RBM47: variants seen among roughly 807,000 people sequenced by gnomAD.
RBM47 encodes RNA-binding protein 47.
A neutral mutation model predicts 47.1 loss-of-function variants in RBM47; 21 were observed. That is an observed-to-expected ratio of 0.45 (90% CI 0.32 to 0.64). The LOEUF is 0.64. Among genes scored for constraint, RBM47 ranks in the 30% least tolerant of loss-of-function variants. The pLI, the probability that RBM47 is intolerant of heterozygous loss-of-function variation, is 0.05. For missense variants in RBM47, 708 were observed against 870.9 expected, an observed-to-expected ratio of 0.81 and a Z score of 2.35; for synonymous variants, 375 against 361.7, an observed-to-expected ratio of 1.04 and a Z score of -0.42.
At chr4:40,430,981 G>A (rs1048240691) in intron 6 of RBM47, among the ~76,000 whole-genome samples, 1 of 152,100 alleles carries the variant, frequency 6.6e-6, no homozygotes, top group African/African-American at 2.4e-5. Context: ...CTACTTGGGA[G>A]GCTGAGGTGG....
intron 1 of RBM47, among the ~76,000 whole-genome samples, chr4:40,558,152 C>G (rs572181479): frequency 6.9e-4 from 105 of 152,208 alleles, no homozygotes; most frequent in African/African-American, 2.4e-3. Context: ...ATGGAGAAAA[C>G]TGAAGCTCAG....
chr4:40,596,084 G>C (rs1020065433), intron 1 of RBM47, among the ~76,000 whole-genome samples: 1 of 152,242 alleles, frequency 6.6e-6, no homozygotes, highest in African/African-American at 2.4e-5. Flanking sequence ...TGCCTAATCA[G>C]AGACATGGGC....
chr4:40,545,536 C>A (rs941011019), intron 1 of RBM47, among the ~76,000 whole-genome samples: 2 of 149,206 alleles, frequency 1.3e-5, no homozygotes, highest in Admixed American at 6.7e-5. Flanking sequence ...TGGTGGTGGG[C>A]ACCTGTAGTC....
intron 1 of RBM47, among the ~76,000 whole-genome samples, chr4:40,575,830 G>T (rs545379757): frequency 6.6e-6 from 1 of 152,306 alleles, no homozygotes; most frequent in South Asian, 2.1e-4. Flanking sequence ...AGAAACCTCA[G>T]ATTCCTTCAT....
chr4:40,509,957 G>T (rs1468042814), intron 2 of RBM47, among the ~76,000 whole-genome samples: 1 of 151,822 alleles, frequency 6.6e-6, no homozygotes, highest in African/African-American at 2.4e-5. Context: ...GAGGCTGAGG[G>T]GGGGTGGGTC....
intron 1 of RBM47, among the ~76,000 whole-genome samples, chr4:40,581,405 A>C (rs1266382180): frequency 1.3e-5 from 2 of 151,372 alleles, no homozygotes; most frequent in Non-Finnish European, 2.9e-5. Context: ...TGGGTGACAG[A>C]GCGAGAACTT....
chr4:40,494,165 C>T (rs1722266336), intron 2 of RBM47, among the ~76,000 whole-genome samples: 1 of 152,022 alleles, frequency 6.6e-6, no homozygotes. Flanking sequence ...ACAGATGACT[C>T]GAAAAGACAA....
At chr4:40,439,439 G>A (rs566392688) in intron 3 of RBM47, among the ~76,000 whole-genome samples, 18 of 152,328 alleles carry the variant, frequency 1.2e-4, no homozygotes, top group Non-Finnish European at 2.1e-4. Flanking sequence ...TCATTGTATA[G>A]AGAGAGCTGT....
rs1416741513 is a variant in RBM47, at chr4:40,456,762, T to TA, written c.-32+9814dup. ...ACAGGTCCTCACCACCACGCCTGGC[T>TA]AATTTTTTATTTTTTTGTAGAGATG... On this transcript the variant is annotated intron_variant, in intron 3 of 6. Transcript: ENST00000295971. Among the ~76,000 whole-genome samples the TA allele has an allele frequency of 2.0e-5, 3 of 151,790 alleles. No homozygotes were observed. In the East Asian group the frequency reaches 5.8e-4, roughly 30 times the overall value.
intron 1 of RBM47, among the ~76,000 whole-genome samples, chr4:40,578,618 T>G (rs187920795): frequency 6.6e-5 from 10 of 152,372 alleles, no homozygotes; most frequent in African/African-American, 2.4e-4. Context: ...TTCTTCCATC[T>G]GAAAGCTTTG....
intron 2 of RBM47, among the ~76,000 whole-genome samples, chr4:40,470,415 G>T (rs1421003819): frequency 6.6e-6 from 1 of 152,108 alleles, no homozygotes; most frequent in East Asian, 1.9e-4. Flanking sequence ...TCAACACATG[G>T]GGGGACTTGA....
At chr4:40,471,009 C>T (rs1179257865) in intron 2 of RBM47, among the ~76,000 whole-genome samples, 1 of 152,134 alleles carries the variant, frequency 6.6e-6, no homozygotes, top group Non-Finnish European at 1.5e-5. Flanking sequence ...TCCCAAAGTG[C>T]TGGGATTACA....
At chr4:40,551,364 C>T (rs1214746731) in intron 1 of RBM47, among the ~76,000 whole-genome samples, 1 of 152,144 alleles carries the variant, frequency 6.6e-6, no homozygotes, top group Non-Finnish European at 1.5e-5. Context: ...GAAGCAAGCA[C>T]GTCTCAAACA....
chr4:40,557,657 G>A (rs1730229302), intron 1 of RBM47, among the ~76,000 whole-genome samples: 1 of 152,152 alleles, frequency 6.6e-6, no homozygotes. Flanking sequence ...GCTGAAGCAG[G>A]AGAATCGCTT....
intron 2 of RBM47, among the ~76,000 whole-genome samples, chr4:40,472,502 C>T (rs1000028296): frequency 6.9e-6 from 1 of 144,212 alleles, no homozygotes; most frequent in Admixed American, 7.2e-5. Context: ...GTGGAGGTTG[C>T]AGTAAGCTGA....
Position 40,608,409 on chromosome 4 carries a change from A to G in RBM47, c.-240+20987T>C, listed in dbSNP as rs533208304. 2.1e-3 allele frequency among the ~76,000 whole-genome samples: 319 copies of G among 152,324 alleles called. 2 individuals are homozygous for G. The highest frequency in any genetic ancestry group is 7.4e-3 in the African/African-American group (309 of 41,582). Reference sequence around the variant, plus strand: ...CCAGTAAATGCTCACTGATATAATAAGCAGAGCATTATCATTTGAGGGGAA... The same window carrying G: ...CCAGTAAATGCTCACTGATATAATAGGCAGAGCATTATCATTTGAGGGGAA... On this transcript the variant is annotated intron_variant, in intron 1 of 6. Transcript: ENST00000295971.
chr4:40,455,246 T>G (rs1461655059), intron 3 of RBM47, among the ~76,000 whole-genome samples: 1 of 152,220 alleles, frequency 6.6e-6, no homozygotes. Context: ...GTTGAAGGAC[T>G]AGAATTCACG....
At chr4:40,531,796 T>C (rs1727413613) in intron 2 of RBM47, among the ~76,000 whole-genome samples, 1 of 152,160 alleles carries the variant, frequency 6.6e-6, no homozygotes, top group African/African-American at 2.4e-5. Flanking sequence ...CTCTGGCTAG[T>C]GCAGTAATTT....
intron 1 of RBM47, among the ~76,000 whole-genome samples, chr4:40,572,314 C>T (rs1330909038): frequency 2.0e-5 from 3 of 151,136 alleles, no homozygotes; most frequent in Non-Finnish European, 4.4e-5. Context: ...AGCCAGGAGG[C>T]GGAGGTTGCG....
Sources: allele counts gnomAD v4.1 joint callset (sites outside exome capture counted in the v4.1 genomes callset), GRCh38; gene constraint gnomAD v4.1.1; transcripts MANE v1.5; gene names NCBI Gene and HGNC (gene_info 2026-07-23, HGNC 2026-07-21).